EHMT1: variants seen among roughly 807,000 people sequenced by gnomAD.
EHMT1 encodes the protein euchromatic histone lysine methyltransferase 1, also known as histone-lysine N-methyltransferase EHMT1.
A neutral mutation model predicts 147.2 loss-of-function variants in EHMT1; 15 were observed. That is an observed-to-expected ratio of 0.10 (90% CI 0.07 to 0.16). EHMT1 has a LOEUF of 0.16. EHMT1 is among the 10% of genes least tolerant of loss of function. The pLI, the probability that EHMT1 is intolerant of heterozygous loss-of-function variation, is 1.00. For synonymous variants in EHMT1, 795 were observed against 709.6 expected, an observed-to-expected ratio of 1.12 and a Z score of -1.91; for missense variants, 1,587 against 1,772.4, an observed-to-expected ratio of 0.90 and a Z score of 1.88.
chr9:137,759,779 AC>A (rs1311081923), intron 9 of EHMT1, among the ~76,000 whole-genome samples: 2 of 151,996 alleles, frequency 1.3e-5, no homozygotes, highest in Non-Finnish European at 2.9e-5. Flanking sequence ...GTGGCCCGGG[AC>A]CCCAGAGGGA....
At position 137,660,037 on chromosome 9, in the gene EHMT1, G is replaced by A. The variant is rs959290941; in HGVS notation, c.21+40988G>A. Among the ~76,000 whole-genome samples the A allele has an allele frequency of 2.9e-4, 44 of 151,552 alleles. No individual in the cohort carries two copies. The Middle Eastern group carries it at 0.01, about 35-fold the overall frequency. ...TGTAAATCATGTGAAGCAGGGATTC[G>A]ATTTCATCTTTCTTCATGTGCCGGT... On this transcript the variant is annotated intron_variant, in intron 1 of 26. Transcript: ENST00000460843.
chr9:137,808,774 T>G (rs1954167152), intron 18 of EHMT1, among the ~76,000 whole-genome samples: 1 of 151,958 alleles, frequency 6.6e-6, no homozygotes, highest in Non-Finnish European at 1.5e-5. Context: ...TACAAAATGA[T>G]GAGCTGGGCC....
At chr9:137,765,670 C>G (rs1404880967) in intron 10 of EHMT1, among the ~76,000 whole-genome samples, 1 of 2,000 alleles carries the variant, frequency 5.0e-4, no homozygotes, top group Non-Finnish European at 7.1e-4. Flanking sequence ...CCACTCCCCC[C>G]GCCCCCGCCG....
chr9:137,666,791 A>G (rs922696149), intron 1 of EHMT1, among the ~76,000 whole-genome samples: 2 of 152,210 alleles, frequency 1.3e-5, no homozygotes, highest in African/African-American at 4.8e-5. Context: ...GAGGCAGCAG[A>G]GTCTCCACTT....
At position 137,782,413 on chromosome 9, in the gene EHMT1, G is replaced by C. The variant is rs571964733; in HGVS notation, c.2382+16G>C. 1 of 1,595,300 alleles carries C rather than the reference G, an allele frequency of 6.3e-7. No homozygotes were observed. The highest frequency in any genetic ancestry group is 8.5e-7 in the Non-Finnish European group (1 of 1,173,754). ...GCTGGTTCAGGTGCGGCGGCACGGC[G>C]CCCTCCTAGGGCTCTTCACCTGCTC... On this transcript the variant is annotated intron_variant, in intron 15 of 26. Transcript: ENST00000460843. The surrounding 1 kb of genome is among the most constrained non-coding windows in gnomAD (Gnocchi z 5.7).
chr9:137,783,641 G>T (rs1401838879), intron 15 of EHMT1, among the ~76,000 whole-genome samples: 1 of 152,248 alleles, frequency 6.6e-6, no homozygotes, highest in East Asian at 1.9e-4. Context: ...TGATCTGCAG[G>T]CCTGGCTGTT....
intron 1 of EHMT1, among the ~76,000 whole-genome samples, chr9:137,643,994 A>G (rs978268376): frequency 3.3e-5 from 5 of 152,150 alleles, no homozygotes; most frequent in Non-Finnish European, 2.9e-5. Flanking sequence ...TTGCCATACA[A>G]TTGCAGTTGC....
chr9:137,726,455 T>A (rs909003687), intron 3 of EHMT1, among the ~76,000 whole-genome samples: 2 of 152,214 alleles, frequency 1.3e-5, no homozygotes, highest in African/African-American at 4.8e-5. Context: ...CCAGCTTCGC[T>A]GCTTCTCAGG....
At chr9:137,675,176 CAGT>C (rs2134368238) in intron 1 of EHMT1, 1 of 152,252 alleles carries the variant, frequency 6.6e-6, no homozygotes, top group East Asian at 1.9e-4. Context: ...ATTCCATGGG[CAGT>C]GGGAAGCCAC....
At chr9:137,817,384 T>C in intron 23 of EHMT1, 55 bp from the exon 24 acceptor site, 2 of 1,601,126 alleles carry the variant, frequency 1.2e-6, no homozygotes, top group East Asian at 2.2e-5. Context: ...TGCTGACCAT[T>C]GTGGCAACAG....
chr9:137,745,580 C>T, intron 6 of EHMT1: 1 of 398,670 alleles, frequency 2.5e-6, no homozygotes, highest in Non-Finnish European at 4.4e-6. Flanking sequence ...CACAGCCCAG[C>T]CCTCCCCGAA....
At position 137,688,172 on chromosome 9, in the gene EHMT1, C is replaced by T. The variant is rs539720798; in HGVS notation, c.22-22795C>T. ...CCAAGTAACTGGGATTACAAGCATG[C>T]GCCACCACGCCTGGCTAATTTTTGT... On this transcript the variant is annotated intron_variant, in intron 1 of 26. Coordinates refer to ENST00000460843, the MANE Select transcript of EHMT1 (RefSeq NM_024757.5). 2.9e-4 allele frequency among the ~76,000 whole-genome samples: 44 copies of T among 152,174 alleles called. No homozygotes were observed. In the South Asian group the frequency reaches 3.7e-3, roughly 13 times the overall value.
intron 1 of EHMT1, among the ~76,000 whole-genome samples, chr9:137,661,740 C>T (rs1445034689): frequency 1.3e-5 from 2 of 152,146 alleles, no homozygotes; most frequent in Non-Finnish European, 2.9e-5. Flanking sequence ...CCCACCTCTG[C>T]CTCCCAATTA....
intron 14 of EHMT1, among the ~76,000 whole-genome samples, chr9:137,781,004 G>A (rs1480168345): frequency 2.4e-4 from 34 of 144,580 alleles, no homozygotes; most frequent in Non-Finnish European, 3.8e-4. Flanking sequence ...TGGTGATGAC[G>A]CCGGGATGTG....
In EHMT1 at chr9:137,716,643, G is replaced by T. The variant is rs371134699; in HGVS notation, c.103G>T (p.Asp35Tyr). 1.9e-6 allele frequency: 3 copies of T among 1,576,768 alleles called. No homozygotes were observed. Among genetic ancestry groups the T allele is most frequent in the South Asian group, 2.3e-5 (2 of 86,402 alleles). Reference sequence around the variant, plus strand: ...GTTGGCAGAGACACCTATGGCTGCCGATGAAGGCTCAGCAGAGAAACAGGC... The same window carrying T: ...GTTGGCAGAGACACCTATGGCTGCCTATGAAGGCTCAGCAGAGAAACAGGC... The part of the protein sequence containing the change: ...LLGEETPMAA[D>Y]EGSAEKQAGE... The change falls in exon 3 of 27, where the codon GAT becomes TAT. Residue 35 changes from aspartate to tyrosine, a missense_variant. By Grantham distance (160) the Asp-to-Tyr change is radical. This residue lies in a region of EHMT1 where 810 missense variants were observed against 673.0 expected (regional missense o/e 1.20). Coordinates refer to ENST00000460843, the MANE Select transcript of EHMT1 (RefSeq NM_024757.5).
chr9:137,658,793 T>C (rs1938760341), intron 1 of EHMT1, among the ~76,000 whole-genome samples: 1 of 152,030 alleles, frequency 6.6e-6, no homozygotes, highest in African/African-American at 2.4e-5. Flanking sequence ...TAAAAAATTA[T>C]GTGTGTGTGT....
intron 1 of EHMT1, among the ~76,000 whole-genome samples, chr9:137,664,498 G>T (rs995531678): frequency 6.6e-5 from 10 of 151,956 alleles, no homozygotes; most frequent in African/African-American, 2.4e-4. Flanking sequence ...GAGCTCAGGC[G>T]ATCTGCCCCC....
rs1004884475 is a variant in EHMT1, at chr9:137,835,009, G to T, written c.*56G>T. ...CCAGGGACCGCCGCGTCGCCGATTA[G>T]AGGACGAGGAGGAGAGATTCCGCAC... is the stretch of plus-strand genomic sequence containing the variant. On this transcript the variant is annotated 3_prime_UTR_variant, in exon 27 of 27. Coordinates refer to ENST00000460843, the MANE Select transcript of EHMT1 (RefSeq NM_024757.5). 37 of 1,358,310 alleles carry T rather than the reference G, an allele frequency of 2.7e-5. No individual in the cohort carries two copies. The highest frequency in any genetic ancestry group is 3.5e-5 in the Non-Finnish European group (37 of 1,062,052). The allele number at this position is 1,358,310 out of a possible 1,614,324, so 84.1% of individuals were successfully genotyped here.
At chr9:137,684,974 T>A (rs1398705855) in intron 1 of EHMT1, among the ~76,000 whole-genome samples, 1 of 152,240 alleles carries the variant, frequency 6.6e-6, no homozygotes, top group Non-Finnish European at 1.5e-5. Flanking sequence ...TCTTTTCTAA[T>A]AATTGCATTG....
Sources: gnomAD v4.1 joint callset for allele counts (sites outside exome capture counted in the v4.1 genomes callset) on GRCh38, gnomAD v4.1.1 for gene constraint, gnomAD v4.1.1 regional missense constraint, Gnocchi (gnomAD v3.1) non-coding constraint, MANE v1.5 for transcripts, NCBI Gene and HGNC (gene_info 2026-07-23, HGNC 2026-07-21) for gene names.